SPATS2L: variants seen among roughly 807,000 people sequenced by gnomAD.
SPATS2L encodes the protein SPATS2-like protein.
In SPATS2L, 30 loss-of-function variants were observed where a neutral mutation model predicts 59.6. The ratio of observed to expected loss-of-function variants is 0.50; its 90% CI spans 0.38 to 0.68. SPATS2L has a LOEUF of 0.68. Among genes scored for constraint, SPATS2L ranks in the 30% least tolerant of loss-of-function variants. The pLI, the probability that SPATS2L is intolerant of heterozygous loss-of-function variation, is 0.00. For missense variants in SPATS2L, 615 were observed against 700.0 expected (o/e 0.88, Z 1.37); for synonymous variants, 252 against 263.5 (o/e 0.96, Z 0.42).
rs1183302571 is a variant in SPATS2L, at chr2:200,473,042, C to G, written c.1271C>G (p.Ala424Gly). The stretch of plus-strand genomic sequence containing the variant: ...GACCCCTCTCACCAGACCATGCCGG[C>G]CAACAAGCAGGTAAGCCGACACTGG... Reference protein sequence around the residue: ...TADPSHQTMPANKQNGSSNQR... With the variant: ...TADPSHQTMPGNKQNGSSNQR... Residue 424 changes from alanine (A) to glycine (G), a missense_variant, in exon 12 of 13, where the codon GCC becomes GGC. This residue lies in a region of SPATS2L where 284 missense variants were observed against 280.1 expected (regional missense o/e 1.01). Coordinates refer to ENST00000409140, the MANE Select transcript of SPATS2L (RefSeq NM_001100423.2). 1 of 1,612,356 alleles carries G rather than the reference C, an allele frequency of 6.2e-7. No homozygotes were observed. The highest frequency in any genetic ancestry group is 2.2e-5 in the East Asian group (1 of 44,834).
At chr2:200,412,929 C>G (rs569600235) in intron 4 of SPATS2L, among the ~76,000 whole-genome samples, 6 of 152,016 alleles carry the variant, frequency 3.9e-5, no homozygotes, top group African/African-American at 1.4e-4. Context: ...TAGTAATGCA[C>G]GCCTGTAGTC....
chr2:200,444,315 A>G (rs1350440414), intron 8 of SPATS2L, among the ~76,000 whole-genome samples: 2 of 152,238 alleles, frequency 1.3e-5, no homozygotes, highest in Non-Finnish European at 2.9e-5. Context: ...AAAACATTAA[A>G]TTCAAAAAAA....
intron 12 of SPATS2L, among the ~76,000 whole-genome samples, chr2:200,475,843 T>C (rs1478621107): frequency 1.3e-5 from 2 of 151,978 alleles, no homozygotes; most frequent in Non-Finnish European, 2.9e-5. Context: ...AGAGGTTTGA[T>C]TTTCAAAAAA....
intron 3 of SPATS2L, among the ~76,000 whole-genome samples, chr2:200,392,371 GA>G (rs1247812730): frequency 6.6e-6 from 1 of 152,192 alleles, no homozygotes; most frequent in African/African-American, 2.4e-5. Flanking sequence ...TTGGGGTGGT[GA>G]ACCCAGAGAG....
At chr2:200,392,075 A>G (rs2082189008) in intron 3 of SPATS2L, among the ~76,000 whole-genome samples, 1 of 152,208 alleles carries the variant, frequency 6.6e-6, no homozygotes, top group South Asian at 2.1e-4. Flanking sequence ...TATATATACC[A>G]TTCCTAAAAT....
intron 6 of SPATS2L, among the ~76,000 whole-genome samples, chr2:200,422,112 T>A (rs2083329274): frequency 6.6e-6 from 1 of 152,244 alleles, no homozygotes; most frequent in African/African-American, 2.4e-5. Context: ...CTGTGAAGAA[T>A]TATTTCTTGC....
intron 3 of SPATS2L, chr2:200,393,139 T>A: frequency 2.2e-6 from 1 of 452,522 alleles, no homozygotes. Flanking sequence ...GATCGAGGAT[T>A]GGCAGCCCCT....
At chr2:200,457,200 G>T (rs891881450) in intron 8 of SPATS2L, among the ~76,000 whole-genome samples, 1 of 145,818 alleles carries the variant, frequency 6.9e-6, no homozygotes, top group Non-Finnish European at 1.5e-5. Context: ...CTCTAAGAAG[G>T]TTGTAAATAA....
chr2:200,316,681 G>A (rs969148891), intron 1 of SPATS2L, among the ~76,000 whole-genome samples: 8 of 152,160 alleles, frequency 5.3e-5, no homozygotes, highest in Admixed American at 1.3e-4. Context: ...TCCTGGATTT[G>A]TGTTCTTGTG....
At chr2:200,407,365 C>G (rs114890620) in intron 3 of SPATS2L, among the ~76,000 whole-genome samples, 1 of 152,198 alleles carries the variant, frequency 6.6e-6, no homozygotes. Context: ...AAAGTACTCA[C>G]CCTTACTCAG....
intron 1 of SPATS2L, among the ~76,000 whole-genome samples, chr2:200,328,269 T>C (rs1158679067): frequency 6.6e-6 from 1 of 152,194 alleles, no homozygotes; most frequent in African/African-American, 2.4e-5. Flanking sequence ...ACCATGCTTA[T>C]GGAGGTCATT....
rs1465459670 is a variant in SPATS2L, at chr2:200,306,837, G to A, written c.-158G>A. The A allele has an allele frequency of 2.0e-6, 2 of 980,686 alleles. No individual in the cohort carries two copies. Among genetic ancestry groups the A allele is most frequent in the South Asian group, 4.7e-5 (1 of 21,274 alleles). 60.7% of individuals were successfully genotyped at this position (980,686 alleles called of 1,614,324 possible). ...GCCCGCCCTCCGAGCCGCAGGGGCC[G>A]CCACCGCCGCGGCGCCTCCCCTGGC... On this transcript the variant is annotated 5_prime_UTR_variant, in exon 1 of 13. Coordinates refer to ENST00000409140, the MANE Select transcript of SPATS2L (RefSeq NM_001100423.2).
chr2:200,440,856 G>A (rs545179741), intron 8 of SPATS2L, 72 bp downstream of exon 8: 7 of 1,530,926 alleles, frequency 4.6e-6, no homozygotes, highest in African/African-American at 2.8e-5. Context: ...GTATCAGATG[G>A]AAAACGTTGT....
intron 2 of SPATS2L, among the ~76,000 whole-genome samples, chr2:200,369,733 A>G (rs1265872030): frequency 6.6e-6 from 1 of 152,202 alleles, no homozygotes; most frequent in Non-Finnish European, 1.5e-5. Flanking sequence ...AATAATCCAG[A>G]TATGGAAGAC....
In SPATS2L at chr2:200,440,707, A is replaced by G. The variant is rs923884789; in HGVS notation, c.711A>G (p.Arg237=). 2 of 1,613,598 alleles carry G rather than the reference A, an allele frequency of 1.2e-6. No individual in the cohort carries two copies. Among genetic ancestry groups the G allele is most frequent in the Non-Finnish European group, 1.7e-6 (2 of 1,179,682 alleles). Residue 237 remains arginine (R), a synonymous_variant, in exon 8 of 13, where the codon AGA becomes AGG. Coordinates refer to ENST00000409140, the MANE Select transcript of SPATS2L (RefSeq NM_001100423.2). ...AACGCTGCACCGTTTCTCTAACTAG[A>G]TATCGCGTCATGATTAAGGAAGAAG... ...DLQRCTVSLT[R]YRVMIKEEVD...
At chr2:200,389,866 T>C (rs1283865128) in intron 3 of SPATS2L, 1 of 152,582 alleles carries the variant, frequency 6.6e-6, no homozygotes, top group East Asian at 1.9e-4. Context: ...TCCAAGTCTA[T>C]GCTGCGTCCT....
chr2:200,356,354 A>G (rs866763046), intron 2 of SPATS2L, among the ~76,000 whole-genome samples: 14 of 152,318 alleles, frequency 9.2e-5, no homozygotes, highest in Admixed American at 3.9e-4. Flanking sequence ...TGAACATACA[A>G]TGGGGACATC....
chr2:200,346,502 A>T (rs2080517697), intron 2 of SPATS2L, among the ~76,000 whole-genome samples: 1 of 152,186 alleles, frequency 6.6e-6, no homozygotes, highest in African/African-American at 2.4e-5. Context: ...ACTCCATTTC[A>T]GTGACTCCCC....
chr2:200,359,970 G>A (rs762212930), intron 2 of SPATS2L, among the ~76,000 whole-genome samples: 4 of 152,288 alleles, frequency 2.6e-5, no homozygotes, highest in South Asian at 2.1e-4. Flanking sequence ...CTTTGGGGGT[G>A]TAAGAATATA....
Sources: gnomAD v4.1 joint callset for allele counts (sites outside exome capture counted in the v4.1 genomes callset) on GRCh38, gnomAD v4.1.1 for gene constraint, gnomAD v4.1.1 regional missense constraint, MANE v1.5 for transcripts, NCBI Gene and HGNC (gene_info 2026-07-23, HGNC 2026-07-21) for gene names.